The following CEP162 variants were observed in gnomAD, a reference collection of about 807,000 sequenced individuals.
The protein encoded by CEP162 is centrosomal protein 162, also known as centrosomal protein of 162 kDa.
A neutral mutation model predicts 169.2 loss-of-function variants in CEP162; 141 were observed. The ratio of observed to expected loss-of-function variants is 0.83; its 90% confidence interval spans 0.73 to 0.96. The LOEUF (loss-of-function observed/expected upper bound fraction) is 0.96, where lower values mean the gene tolerates loss of function less well. Among genes scored for constraint, CEP162 ranks in the 40% least tolerant of loss-of-function variants. The pLI is 0.00. For missense variants in CEP162, 1,600 were observed against 1,587.2 expected, an observed-to-expected ratio of 1.01 and a Z score of -0.14; for synonymous variants, 540 against 526.4, an observed-to-expected ratio of 1.03 and a Z score of -0.35.
At chr6:84,155,793 T>C (rs1355530040) in intron 21 of CEP162, among the ~76,000 whole-genome samples, 1 of 152,168 alleles carries the variant, frequency 6.6e-6, no homozygotes, top group Non-Finnish European at 1.5e-5. Flanking sequence ...GTAGTTAAAA[T>C]GACCATACTG....
At chr6:84,187,015 A>G (rs1473099844) in intron 11 of CEP162, among the ~76,000 whole-genome samples, 1 of 152,188 alleles carries the variant, frequency 6.6e-6, no homozygotes, top group Non-Finnish European at 1.5e-5. Flanking sequence ...TTGAAATAAG[A>G]AAAACATTTT....
chr6:84,215,954 T>C (rs779344376), intron 3 of CEP162, 32 bp from the exon 4 acceptor site: 2 of 1,490,222 alleles, frequency 1.3e-6, no homozygotes, highest in East Asian at 2.5e-5. Flanking sequence ...GATGAAGATT[T>C]ATGTTCAAAG....
rs1361288196 is a variant in CEP162, at chr6:84,177,793, TCCCA to T, written c.1664-2450_1664-2447del. Among the ~76,000 whole-genome samples the T allele has an allele frequency of 5.8e-4, 88 of 152,264 alleles. 1 individual carries two copies. Among genetic ancestry groups the T allele is most frequent in the African/African-American group, 2.0e-3 (82 of 41,564 alleles). On this transcript the variant is annotated intron_variant, in intron 13 of 26. Transcript: ENST00000403245. ...CTCAAGTGACCTGCCCACCTTAGCCTCCCAGATTGCTGGGATTACAGGTGTGAGT... is the reference window on the plus strand; with the variant it reads ...CTCAAGTGACCTGCCCACCTTAGCCTGATTGCTGGGATTACAGGTGTGAGT...
At chr6:84,215,967 T>G (rs988224279) in intron 3 of CEP162, 45 bp from the exon 4 acceptor site, 1 of 1,478,262 alleles carries the variant, frequency 6.8e-7, no homozygotes, top group African/African-American at 1.4e-5. Flanking sequence ...GTTCAAAGAA[T>G]TGTTTTGGCC....
Position 84,186,558 on chromosome 6 carries a change from G to C in CEP162, c.1175C>G (p.Pro392Arg), listed in dbSNP as rs1447420836. The C allele has an allele frequency of 6.2e-7, 1 of 1,612,306 alleles. No individual in the cohort carries two copies. The highest frequency in any genetic ancestry group is 8.5e-7 in the Non-Finnish European group (1 of 1,179,136). ...FFSSLPLKMN[P>R]NILSQDSQHV... ...TTGTGAGTCTTGAGACAAAATATTT[G>C]GGTTCATCTTCAGGGGTAAAGAGCT... Residue 392 changes from proline to arginine, a missense_variant, in exon 12 of 27, where the codon CCA becomes CGA. Pro to Arg is a moderately radical substitution (Grantham distance 103, BLOSUM62 -2). Transcript: ENST00000403245.
rs147899066 is a variant in CEP162, at chr6:84,186,607, C to T, written c.1126G>A (p.Glu376Lys). 4.8e-5 allele frequency: 77 copies of T among 1,602,264 alleles called. No homozygotes were observed. The Admixed American group carries it at 6.4e-4, about 13-fold the overall frequency. ...CTAAAAAATTCAGTTTCTTTTCTTTCGGCCACTTTCTCAGAGCTATAAAAC... is the reference window on the plus strand; with the variant it reads ...CTAAAAAATTCAGTTTCTTTTCTTTTGGCCACTTTCTCAGAGCTATAAAAC... ...LQPVSSEKVA[E>K]RKETEFFSSL... is the part of the protein sequence containing the mutation. The change falls in exon 12 of 27, where the codon GAA (glutamate) becomes AAA (lysine). Residue 376 changes from glutamate to lysine, a missense_variant. Glu to Lys is a moderately conservative substitution (Grantham distance 56). Coordinates refer to ENST00000403245, the MANE Select transcript of CEP162 (RefSeq NM_014895.4).
intron 6 of CEP162, among the ~76,000 whole-genome samples, 200 bp downstream of exon 6, chr6:84,212,757 C>A (rs1041233591): frequency 2.0e-5 from 3 of 152,022 alleles, no homozygotes; most frequent in Non-Finnish European, 4.4e-5. Flanking sequence ...CAGCTATATG[C>A]AGTCTATGAA....
intron 6 of CEP162, 77 bp from the exon 7 acceptor site, chr6:84,204,173 C>T (rs149875838): frequency 1.6e-4 from 133 of 810,698 alleles, no homozygotes; most frequent in Non-Finnish European, 1.7e-4. Flanking sequence ...CTGTTGATTT[C>T]GAAAGGAAGA....
chr6:84,204,317 C>T (rs2099545866), intron 6 of CEP162, among the ~76,000 whole-genome samples: 1 of 152,112 alleles, frequency 6.6e-6, no homozygotes, highest in African/African-American at 2.4e-5. Flanking sequence ...AAATTGACCA[C>T]ATAGTTGCAA....
intron 25 of CEP162, among the ~76,000 whole-genome samples, chr6:84,141,663 G>T (rs1276933928): frequency 6.6e-6 from 1 of 152,156 alleles, no homozygotes; most frequent in Non-Finnish European, 1.5e-5. Context: ...ACTCCAGCCT[G>T]ATATCCAGGG....
At chr6:84,189,292 C>G (rs1042923084) in intron 11 of CEP162, among the ~76,000 whole-genome samples, 2 of 152,208 alleles carry the variant, frequency 1.3e-5, no homozygotes, top group Admixed American at 6.5e-5. Flanking sequence ...CTTCAGCCCC[C>G]CACTGCACTG....
chr6:84,193,117 C>A (rs1303526892), intron 11 of CEP162, among the ~76,000 whole-genome samples: 1 of 152,184 alleles, frequency 6.6e-6, no homozygotes, highest in Non-Finnish European at 1.5e-5. Flanking sequence ...ACATGTTACT[C>A]CGTGTTGAAG....
At chr6:84,198,064 A>G (rs1204123930) in intron 9 of CEP162, among the ~76,000 whole-genome samples, 1 of 152,162 alleles carries the variant, frequency 6.6e-6, no homozygotes. Flanking sequence ...GCAAGGCACA[A>G]ATAATTTCAT....
rs752799279 is a variant in CEP162 at position 84,153,066 on chromosome 6, T to C, written c.3108A>G (p.Glu1036=). Residue 1036 remains glutamate, a synonymous_variant, in exon 23 of 27, where the codon GAA becomes GAG. Coordinates refer to ENST00000403245, the MANE Select transcript of CEP162 (RefSeq NM_014895.4). ...ALEKELDDIK[E]AHQITVRNLE... Reference sequence around the variant, plus strand: ...GGTTTCTTACAGTGATCTGATGGGCTTCCTTGATGTCATCAAGTTCCTTCT... The same window carrying C: ...GGTTTCTTACAGTGATCTGATGGGCCTCCTTGATGTCATCAAGTTCCTTCT... 1.2e-6 allele frequency: 2 copies of C among 1,613,518 alleles called. 1 individual carries two copies. The highest frequency in any genetic ancestry group is 2.2e-5 in the South Asian group (2 of 91,060).
intron 25 of CEP162, among the ~76,000 whole-genome samples, chr6:84,129,520 T>C (rs924670023): frequency 6.6e-5 from 10 of 152,216 alleles, no homozygotes; most frequent in Non-Finnish European, 1.3e-4. Context: ...TTTGCCCACT[T>C]TTTGATGGGG....
rs542525706 is a variant in CEP162, at chr6:84,227,186, TC to T, written c.-60+393del. ...TTGGGTCGACCCCCAGCTCCTGAAC[TC>T]CCTAGAGCAGCTCAAATCCCAGCTT... On this transcript the variant is annotated intron_variant, in intron 1 of 26. Coordinates refer to ENST00000403245, the MANE Select transcript of CEP162 (RefSeq NM_014895.4). 8.5e-5 allele frequency among the ~76,000 whole-genome samples: 13 copies of T among 152,136 alleles called. No individual in the cohort carries two copies. The South Asian group carries it at 2.5e-3, about 29-fold the overall frequency.
intron 9 of CEP162, among the ~76,000 whole-genome samples, chr6:84,196,302 T>C (rs1445928224): frequency 6.6e-6 from 1 of 152,220 alleles, no homozygotes; most frequent in East Asian, 1.9e-4. Context: ...GCTATCCATG[T>C]AAATGTGGCT....
Position 84,126,397 on chromosome 6 carries a change from C to G in CEP162, c.3986G>C (p.Arg1329Thr). 1 of 1,598,634 alleles carries G rather than the reference C, an allele frequency of 6.3e-7. No individual in the cohort carries two copies. The highest frequency in any genetic ancestry group is 8.5e-7 in the Non-Finnish European group (1 of 1,173,236). Residue 1329 changes from arginine to threonine, a missense_variant, in exon 26 of 27, where the codon AGA (arginine) becomes ACA (threonine). Transcript: ENST00000403245. ...IKQMEMRHAQ[R>T]EQELQQIIQQ... ...CTTTACCTGTTGAAGTTCCTGTTCT[C>G]TTTGTGCATGTCTCATTTCCATCTG...
In CEP162 at chr6:84,161,695, C is replaced by T. The variant is rs73750530; in HGVS notation, c.2676+51G>A. On this transcript the variant is annotated intron_variant, in intron 20 of 26. Coordinates refer to ENST00000403245, the MANE Select transcript of CEP162 (RefSeq NM_014895.4). The stretch of plus-strand genomic sequence containing the variant: ...AAAAGGTTATGTACAACAGATATTA[C>T]GGACAAAAGGATTCATCTAGAGAAG... The T allele has an allele frequency of 9.5e-3, 12,158 of 1,277,466 alleles. 846 individuals are homozygous for T. In the African/African-American group the frequency reaches 0.16, roughly 16 times the overall value. 79.1% of individuals were successfully genotyped at this position (1,277,466 alleles called of 1,614,324 possible).
Sources: allele counts gnomAD v4.1 joint callset (sites outside exome capture counted in the v4.1 genomes callset), GRCh38; gene constraint gnomAD v4.1.1; transcripts MANE v1.5; gene names NCBI Gene and HGNC (gene_info 2026-07-23, HGNC 2026-07-21).